Variants in AOAH observed in about 807,000 individuals in gnomAD.
AOAH encodes the protein acyloxyacyl hydrolase (neutrophil).
A neutral mutation model predicts 92.2 loss-of-function variants in AOAH; 64 were observed. The ratio of observed to expected loss-of-function variants is 0.69; its 90% CI spans 0.57 to 0.86. The LOEUF (loss-of-function observed/expected upper bound fraction) is 0.86. Among genes scored for constraint, AOAH ranks in the 40% least tolerant of loss-of-function variants. The pLI, the probability that AOAH is intolerant of heterozygous loss-of-function variation, is 0.00. For missense variants in AOAH, 656 were observed against 694.6 expected, an observed-to-expected ratio of 0.94 and a Z score of 0.62; for synonymous variants, 263 against 254.5, an observed-to-expected ratio of 1.03 and a Z score of -0.32.
intron 19 of AOAH, among the ~76,000 whole-genome samples, chr7:36,530,102 C>T (rs767292717): frequency 1.3e-5 from 2 of 152,190 alleles, no homozygotes; most frequent in Admixed American, 6.5e-5. Context: ...TTTAACCCGA[C>T]AAGAACAGGT....
intron 20 of AOAH, among the ~76,000 whole-genome samples, chr7:36,515,166 C>T (rs1460741486): frequency 2.1e-5 from 3 of 143,148 alleles, no homozygotes; most frequent in Non-Finnish European, 4.6e-5. Context: ...CCACACCACA[C>T]ACACAAACAT....
At chr7:36,594,624 C>T (rs1245555621) in intron 11 of AOAH, 194 bp from the exon 12 acceptor site, 8 of 650,386 alleles carry the variant, frequency 1.2e-5, no homozygotes, top group Middle Eastern at 2.4e-4. Flanking sequence ...ATGATCAGCA[C>T]CACCCTTGAC....
intron 3 of AOAH, among the ~76,000 whole-genome samples, chr7:36,665,016 C>T (rs1290928100): frequency 6.6e-6 from 1 of 152,172 alleles, no homozygotes; most frequent in Admixed American, 6.5e-5. Flanking sequence ...GAGGAATCTG[C>T]CCCCATTATC....
intron 4 of AOAH, among the ~76,000 whole-genome samples, chr7:36,657,166 G>C (rs1401267015): frequency 2.0e-5 from 3 of 152,166 alleles, no homozygotes; most frequent in Non-Finnish European, 4.4e-5. Context: ...AGTTGTTTCT[G>C]GTGGTAGGAT....
At chr7:36,688,194 T>A (rs1479805288) in intron 1 of AOAH, among the ~76,000 whole-genome samples, 3 of 152,240 alleles carry the variant, frequency 2.0e-5, no homozygotes, top group African/African-American at 7.2e-5. Flanking sequence ...TAGCTGACGC[T>A]TATCAGCACT....
At chr7:36,538,232 T>C (rs113688265) in intron 16 of AOAH, among the ~76,000 whole-genome samples, 3,641 of 151,994 alleles carry the variant, frequency 0.024, 164 homozygotes, top group African/African-American at 0.083. Flanking sequence ...TTCACTATGT[T>C]GGCCAGGCTT....
chr7:36,626,260 C>T (rs1792656766), intron 6 of AOAH, among the ~76,000 whole-genome samples: 1 of 152,308 alleles, frequency 6.6e-6, no homozygotes, highest in East Asian at 1.9e-4. Context: ...AAAGGAGCTG[C>T]AGGAAAGGTC....
chr7:36,633,904 C>T (rs1364621319), intron 5 of AOAH, among the ~76,000 whole-genome samples: 1 of 152,136 alleles, frequency 6.6e-6, no homozygotes, highest in Non-Finnish European at 1.5e-5. Flanking sequence ...AGATGCTGGG[C>T]AGCATCTCTG....
At position 36,688,966 on chromosome 7, in the gene AOAH, T is replaced by C. The variant is rs116155598; in HGVS notation, c.128-2172A>G. ...ATACACACACATATGTATGTGTATATAGATATATATGAGATGAGGTCTTGC... is the reference window on the plus strand; with the variant it reads ...ATACACACACATATGTATGTGTATACAGATATATATGAGATGAGGTCTTGC... On this transcript the variant is annotated intron_variant, in intron 1 of 20. Transcript: ENST00000617537. 3.1e-3 allele frequency among the ~76,000 whole-genome samples: 479 copies of C among 152,248 alleles called. 4 individuals carry two copies. Among genetic ancestry groups the C allele is most frequent in the African/African-American group, 0.011 (454 of 41,526 alleles).
At chr7:36,584,798 A>G (rs1789193840) in intron 12 of AOAH, among the ~76,000 whole-genome samples, 1 of 152,212 alleles carries the variant, frequency 6.6e-6, no homozygotes, top group South Asian at 2.1e-4. Flanking sequence ...AATCCCAACA[A>G]ATCTTATTTG....
intron 12 of AOAH, among the ~76,000 whole-genome samples, chr7:36,577,929 AC>A (rs1788642322): frequency 6.6e-6 from 1 of 152,240 alleles, no homozygotes; most frequent in Admixed American, 6.5e-5. Flanking sequence ...TAATTGTATT[AC>A]AGTGCTTGGC....
chr7:36,513,472 C>A (rs1562849163), intron 20 of AOAH, 92 bp from the exon 21 acceptor site: 2 of 1,336,540 alleles, frequency 1.5e-6, no homozygotes, highest in East Asian at 4.7e-5. Context: ...CCAGAGACAG[C>A]CTCTAGGATG....
intron 16 of AOAH, among the ~76,000 whole-genome samples, chr7:36,534,115 C>G (rs1300349143): frequency 1.3e-5 from 2 of 152,166 alleles, no homozygotes; most frequent in Non-Finnish European, 2.9e-5. Context: ...TCTTTGATAT[C>G]CAGAGGGGCC....
At chr7:36,635,761 G>A (rs941414753) in intron 5 of AOAH, among the ~76,000 whole-genome samples, 6 of 152,314 alleles carry the variant, frequency 3.9e-5, no homozygotes, top group Middle Eastern at 3.4e-3. Flanking sequence ...GGATTTAAAC[G>A]TGGGGTTTCT....
intron 13 of AOAH, among the ~76,000 whole-genome samples, chr7:36,551,749 G>A (rs759335879): frequency 2.0e-5 from 3 of 152,178 alleles, no homozygotes; most frequent in African/African-American, 4.8e-5. Flanking sequence ...TGTGAATAAC[G>A]CTGCTATGGA....
intron 13 of AOAH, among the ~76,000 whole-genome samples, chr7:36,559,800 T>TG (rs1787122343): frequency 6.6e-6 from 1 of 152,156 alleles, no homozygotes; most frequent in Non-Finnish European, 1.5e-5. Context: ...TAGTCATAAT[T>TG]TTTTTCCCAA....
intron 10 of AOAH, among the ~76,000 whole-genome samples, chr7:36,616,709 C>T (rs1338993443): frequency 3.3e-5 from 5 of 152,130 alleles, no homozygotes; most frequent in Non-Finnish European, 7.3e-5. Context: ...GGTGTGTTTC[C>T]CAGCTCAGCA....
rs557112126 is a variant in AOAH at position 36,670,620 on chromosome 7, G to A, written c.290+3323C>T. 4.8e-3 allele frequency among the ~76,000 whole-genome samples: 735 copies of A among 152,166 alleles called. 2 individuals carry two copies. The highest frequency in any genetic ancestry group is 0.017 in the African/African-American group (699 of 41,518). Reference sequence around the variant, plus strand: ...CTCCCGAGTAGCTGGGACTACAGGCGCGCGCCACCACACCCGGCTAATTTT... The same window carrying A: ...CTCCCGAGTAGCTGGGACTACAGGCACGCGCCACCACACCCGGCTAATTTT... On this transcript the variant is annotated intron_variant, in intron 3 of 20. Coordinates refer to ENST00000617537, the MANE Select transcript of AOAH (RefSeq NM_001637.4).
intron 1 of AOAH, among the ~76,000 whole-genome samples, chr7:36,722,013 G>A (rs766681379): frequency 5.3e-5 from 8 of 152,084 alleles, no homozygotes; most frequent in Non-Finnish European, 1.2e-4. Flanking sequence ...ACTCCCAGAT[G>A]AGCCAACCCT....
Sources: allele counts gnomAD v4.1 joint callset (sites outside exome capture counted in the v4.1 genomes callset), GRCh38; gene constraint gnomAD v4.1.1; transcripts MANE v1.5; gene names NCBI Gene and HGNC (gene_info 2026-07-23, HGNC 2026-07-21).